BCKDHB: variants seen among roughly 807,000 people sequenced by gnomAD.
BCKDHB encodes branched chain keto acid dehydrogenase E1 subunit beta, also known as 2-oxoisovalerate dehydrogenase subunit beta, mitochondrial.
Under a neutral mutation model 48.5 loss-of-function variants are expected in BCKDHB, and 41 were observed. That is an observed-to-expected ratio of 0.85 (90% confidence interval 0.66 to 1.10). BCKDHB has a LOEUF of 1.10. Ranked by LOEUF, BCKDHB falls within the 50% of genes least tolerant of loss-of-function variation. BCKDHB has a pLI of 0.00. For synonymous variants in BCKDHB, 201 were observed against 174.8 expected, an observed-to-expected ratio of 1.15 and a Z score of -1.18; for missense variants, 496 against 494.2, an observed-to-expected ratio of 1.00 and a Z score of -0.03.
intron 3 of BCKDHB, among the ~76,000 whole-genome samples, chr6:80,136,574 G>A (rs1372546552): frequency 1.3e-5 from 2 of 151,730 alleles, no homozygotes; most frequent in Non-Finnish European, 2.9e-5. Flanking sequence ...TGGCTCTAAA[G>A]GTATAGGCAA....
At chr6:80,458,631 GT>G in the BCKDHB span, among the ~76,000 whole-genome samples, 1 of 152,188 alleles carries the variant, frequency 6.6e-6, no homozygotes, top group Non-Finnish European at 1.5e-5. Context: ...CCCTCATGGA[GT>G]TGTGGTTAGA....
chr6:80,288,287 C>G (rs1582508845), intron 9 of BCKDHB, among the ~76,000 whole-genome samples: 1 of 151,920 alleles, frequency 6.6e-6, no homozygotes, highest in African/African-American at 2.4e-5. Flanking sequence ...GCAAATTACA[C>G]TGTTATTTAA....
chr6:80,335,245 A>AAAGAAG (rs1554215010), intron 9 of BCKDHB, among the ~76,000 whole-genome samples: 6 of 105,760 alleles, frequency 5.7e-5, no homozygotes, highest in Admixed American at 2.4e-4. Flanking sequence ...AAAAAAAAAA[A>AAAGAAG]AAGAAGAAAA....
intron 1 of BCKDHB, among the ~76,000 whole-genome samples, chr6:80,111,574 A>C (rs923705042): frequency 2.6e-5 from 4 of 152,210 alleles, no homozygotes; most frequent in Non-Finnish European, 5.9e-5. Context: ...ACCAAATTCC[A>C]AGTGGCTGGT....
chr6:80,108,400 C>T (rs898127869), intron 1 of BCKDHB, among the ~76,000 whole-genome samples: 14 of 148,866 alleles, frequency 9.4e-5, no homozygotes, highest in African/African-American at 3.5e-4. Context: ...TGGTCTAATA[C>T]TTGAGAAATA....
At chr6:80,328,426 C>T (rs1427833941) in intron 9 of BCKDHB, among the ~76,000 whole-genome samples, 3 of 152,146 alleles carry the variant, frequency 2.0e-5, no homozygotes, top group Admixed American at 1.3e-4. Flanking sequence ...CTTTCTAATA[C>T]AATATTAGCC....
At chr6:80,339,044 G>A (rs1244892828) in intron 9 of BCKDHB, among the ~76,000 whole-genome samples, 1 of 152,078 alleles carries the variant, frequency 6.6e-6, no homozygotes, top group Non-Finnish European at 1.5e-5. Context: ...GCCACGATGT[G>A]TAATGCCTGA....
the BCKDHB span, chr6:80,355,959 C>T: frequency 6.6e-6 from 1 of 152,342 alleles, no homozygotes; most frequent in South Asian, 2.1e-4. Flanking sequence ...AAAAATCCTT[C>T]TCCTCTTGTT....
chr6:80,419,936 C>G, the BCKDHB span, among the ~76,000 whole-genome samples: 1 of 152,152 alleles, frequency 6.6e-6, no homozygotes, highest in Admixed American at 6.6e-5. Context: ...TCAAAGCTCT[C>G]TAATAAAATT....
In BCKDHB at chr6:80,213,916, T is replaced by C. The variant is rs530977692; in HGVS notation, c.951+10704T>C. ...CTATCATAGGAGCAGGATAAGGCCT[T>C]AGGGGAAAGGAGCTAGAAGTAATTC... On this transcript the variant is annotated intron_variant, in intron 8 of 9. Coordinates refer to ENST00000320393, the MANE Select transcript of BCKDHB (RefSeq NM_183050.4). Among the ~76,000 whole-genome samples, 3 of 152,212 alleles carry C rather than the reference T, an allele frequency of 2.0e-5. No homozygotes were observed. The South Asian group carries it at 6.2e-4, about 32-fold the overall frequency.
At chr6:80,342,886 TTAAATCAGATC>T (rs1769990283) in intron 9 of BCKDHB, among the ~76,000 whole-genome samples, 1 of 152,206 alleles carries the variant, frequency 6.6e-6, no homozygotes, top group African/African-American at 2.4e-5. Context: ...GTTTTCATGT[TTAAATCAGATC>T]TCTAGCCTCA....
rs1245165054 is a variant in BCKDHB at position 80,156,863 on chromosome 6, A to G, written c.344-10815A>G. On this transcript the variant is annotated intron_variant, in intron 3 of 9. Transcript: ENST00000320393. ...GCAGAAAACCGTTGTTCATTATGCC[A>G]TATTTTTTACTGTTAATTTGAATTT... is the stretch of plus-strand genomic sequence containing the variant. 1.3e-5 allele frequency among the ~76,000 whole-genome samples: 2 copies of G among 152,214 alleles called. 1 individual carries two copies. The highest frequency in any genetic ancestry group is 1.3e-4 in the Admixed American group (2 of 15,274).
the BCKDHB span, among the ~76,000 whole-genome samples, chr6:80,384,803 CCTGA>C: frequency 6.6e-6 from 1 of 152,016 alleles, no homozygotes; most frequent in African/African-American, 2.4e-5. Context: ...TCTGGAGAAC[CCTGA>C]CTAATACAGA....
intron 5 of BCKDHB, among the ~76,000 whole-genome samples, chr6:80,170,740 C>T (rs908985542): frequency 1.3e-5 from 2 of 152,114 alleles, no homozygotes; most frequent in Non-Finnish European, 2.9e-5. Flanking sequence ...ACTATCCACA[C>T]TTTTGTTTTT....
intron 8 of BCKDHB, among the ~76,000 whole-genome samples, chr6:80,210,923 C>T (rs576316014): frequency 8.5e-5 from 13 of 152,114 alleles, no homozygotes; most frequent in African/African-American, 3.1e-4. Flanking sequence ...AGTGAGCTGC[C>T]GTGTTAACAA....
the BCKDHB span, among the ~76,000 whole-genome samples, chr6:80,460,356 A>C: frequency 6.6e-6 from 1 of 152,160 alleles, no homozygotes; most frequent in Non-Finnish European, 1.5e-5. Flanking sequence ...TGCTGAACAA[A>C]ACAAATACTA....
In BCKDHB at chr6:80,106,724, C is replaced by T. The variant is rs113964044; in HGVS notation, c.31C>T (p.Leu11=). The change falls in exon 1 of 10, where the codon CTA becomes TTA. Residue 11 remains leucine, a synonymous_variant. Transcript: ENST00000320393. ...GGTTGTAGCGGCGGCTGCCGGCTGG[C>T]TACTCAGGCTCAGGGCGGCAGGGGC... MAVVAAAAGW[L]LRLRAAGAEG... 6 of 1,554,664 alleles carry T rather than the reference C, an allele frequency of 3.9e-6. No individual in the cohort carries two copies. Among genetic ancestry groups the T allele is most frequent in the African/African-American group, 2.7e-5 (2 of 73,200 alleles).
chr6:80,116,873 T>C (rs886858151), intron 1 of BCKDHB, among the ~76,000 whole-genome samples: 1 of 152,220 alleles, frequency 6.6e-6, no homozygotes, highest in African/African-American at 2.4e-5. Flanking sequence ...TTTAACAGTC[T>C]TACCAGCAGT....
At chr6:80,262,684 A>G (rs1777354803) in intron 8 of BCKDHB, among the ~76,000 whole-genome samples, 1 of 152,206 alleles carries the variant, frequency 6.6e-6, no homozygotes, top group Admixed American at 6.5e-5. Context: ...TAATGGAGCA[A>G]TAGAACATTT....
Sources: allele counts gnomAD v4.1 joint callset (sites outside exome capture counted in the v4.1 genomes callset), GRCh38; gene constraint gnomAD v4.1.1; transcripts MANE v1.5; gene names NCBI Gene and HGNC (gene_info 2026-07-23, HGNC 2026-07-21).